The following CFAP36 variants were observed in gnomAD, a reference collection of about 807,000 sequenced individuals.
CFAP36 encodes cilia and flagella associated protein 36.
A neutral mutation model predicts 50.5 loss-of-function variants in CFAP36; 37 were observed. That is an observed-to-expected ratio of 0.73 (90% CI 0.56 to 0.96). CFAP36 has a LOEUF of 0.96. CFAP36 is among the 50% of genes least tolerant of loss of function. CFAP36 has a pLI of 0.00. For synonymous variants in CFAP36, 138 were observed against 128.2 expected, an observed-to-expected ratio of 1.08 and a Z score of -0.52; for missense variants, 407 against 396.2, an observed-to-expected ratio of 1.03 and a Z score of -0.23.
intron 5 of CFAP36, among the ~76,000 whole-genome samples, chr2:55,534,909 G>A (rs1440027293): frequency 2.0e-5 from 3 of 152,136 alleles, no homozygotes; most frequent in Non-Finnish European, 4.4e-5. Context: ...TTATGGAGAG[G>A]GTAGCAGATA....
In CFAP36 at chr2:55,534,376, A is replaced by G. The variant is rs560804287; in HGVS notation, c.485+416A>G. 2.4e-4 allele frequency among the ~76,000 whole-genome samples: 36 copies of G among 152,340 alleles called. 1 individual carries two copies. The highest frequency in any genetic ancestry group is 7.9e-4 in the African/African-American group (33 of 41,578). ...CTGGGCATCCAGATTCCACAGATTG[A>G]ATAGCTGACTTGGTGATAGTAACCT... is the stretch of plus-strand genomic sequence containing the variant. On this transcript the variant is annotated intron_variant, in intron 5 of 9. Coordinates refer to ENST00000349456, the MANE Select transcript of CFAP36 (RefSeq NM_080667.7).
At chr2:55,541,720 T>C (rs895063048) in intron 7 of CFAP36, among the ~76,000 whole-genome samples, 1 of 152,210 alleles carries the variant, frequency 6.6e-6, no homozygotes, top group Non-Finnish European at 1.5e-5. Flanking sequence ...GTGGATTAGG[T>C]AGGACTTCTA....
At chr2:55,524,085 G>C (rs1302735569) in intron 3 of CFAP36, among the ~76,000 whole-genome samples, 15 of 152,162 alleles carry the variant, frequency 9.9e-5, no homozygotes, top group Admixed American at 9.8e-4. Flanking sequence ...ACAAACTACT[G>C]TTTTATTTAC....
chr2:55,523,704 A>T lies in CFAP36; in HGVS notation c.181-17A>T. On this transcript the variant is annotated splice_polypyrimidine_tract_variant and intron_variant, in intron 2 of 9. Transcript: ENST00000349456. The stretch of plus-strand genomic sequence containing the variant: ...ATTTTTCTATGTAATTATAAAAGTT[A>T]AACTTTGTTTTTTTAGGTTGAAAAG... 1 of 1,514,420 alleles carries T rather than the reference A, an allele frequency of 6.6e-7. No individual in the cohort carries two copies. Among genetic ancestry groups the T allele is most frequent in the Non-Finnish European group, 9.1e-7 (1 of 1,101,566 alleles). The allele number at this position is 1,514,420 out of a possible 1,614,324, so 93.8% of individuals were successfully genotyped here.
chr2:55,523,791 C>A lies in CFAP36; in HGVS notation c.251C>A (p.Thr84Asn). 6.2e-7 allele frequency: 1 copy of A among 1,609,532 alleles called. No individual in the cohort carries two copies. The change falls in exon 3 of 10, where the codon ACT (threonine) becomes AAT (asparagine). Residue 84 changes from threonine (T) to asparagine (N), a missense_variant. Transcript: ENST00000349456. Reference sequence around the variant, plus strand: ...GAAGATCAATTTCAAGAAGCATGCACTTCTCCTCTTGCAAAGACCCATACA... The same window carrying A: ...GAAGATCAATTTCAAGAAGCATGCAATTCTCCTCTTGCAAAGACCCATACA... ...INEDQFQEAC[T>N]SPLAKTHTSQ...
At chr2:55,520,687 G>A (rs1574609393) in intron 1 of CFAP36, among the ~76,000 whole-genome samples, 2 of 152,200 alleles carry the variant, frequency 1.3e-5, no homozygotes, top group South Asian at 4.1e-4. Context: ...CAGAAACCAC[G>A]TCATATAAAT....
Position 55,519,863 on chromosome 2 carries a change from G to C in CFAP36, c.62G>C (p.Arg21Pro), listed in dbSNP as rs746668375. The change falls in exon 1 of 10, where the codon CGA (arginine) becomes CCA (proline). Residue 21 changes from arginine to proline, a missense_variant. By Grantham distance (103) the Arg-to-Pro change is moderately radical (BLOSUM62 -2). Transcript: ENST00000349456. Reference protein sequence around the residue: ...WVVESIAGFLRGPDWSIPILD... With the variant: ...WVVESIAGFLPGPDWSIPILD... ...GTGGAGAGCATCGCGGGGTTCCTGC[G>C]AGGCCCAGACTGGTCCATCCCCATC... 6.2e-6 allele frequency: 10 copies of C among 1,614,116 alleles called. No homozygotes were observed. The African/African-American group carries it at 1.1e-4, about 17-fold the overall frequency.
chr2:55,523,649 A>G, intron 2 of CFAP36, 72 bp from the exon 3 acceptor site: 1 of 950,062 alleles, frequency 1.1e-6, no homozygotes, highest in South Asian at 1.9e-5. Context: ...TTTCTAAACT[A>G]AATACTTAAT....
At position 55,526,696 on chromosome 2, in the gene CFAP36, C is replaced by T. The variant is rs1035804776; in HGVS notation, c.283-2182C>T. The stretch of plus-strand genomic sequence containing the variant: ...GGCATCAAGCAATCCTCCTGCCTCA[C>T]CCTCCCAAAGCTCTGGGGTTACAGG... On this transcript the variant is annotated intron_variant, in intron 3 of 9. Coordinates refer to ENST00000349456, the MANE Select transcript of CFAP36 (RefSeq NM_080667.7). 8.5e-5 allele frequency among the ~76,000 whole-genome samples: 13 copies of T among 152,182 alleles called. No individual in the cohort carries two copies. The East Asian group carries it at 2.0e-3, about 23-fold the overall frequency.
intron 7 of CFAP36, chr2:55,538,805 CTCT>C (rs879509117): frequency 2.1e-5 from 33 of 1,544,834 alleles, no homozygotes; most frequent in Admixed American, 4.0e-5. Context: ...GATCACCGAA[CTCT>C]TCAATGGTGA....
intron 5 of CFAP36, among the ~76,000 whole-genome samples, chr2:55,535,139 T>A (rs1684448647): frequency 6.6e-6 from 1 of 152,152 alleles, no homozygotes; most frequent in Non-Finnish European, 1.5e-5. Flanking sequence ...TTCCAAGAGC[T>A]TTTGAGGGGA....
At chr2:55,530,274 TC>T (rs1684320667) in intron 4 of CFAP36, among the ~76,000 whole-genome samples, 1 of 152,174 alleles carries the variant, frequency 6.6e-6, no homozygotes, top group South Asian at 2.1e-4. Context: ...CTGTTTGTCT[TC>T]CGCCATGATT....
chr2:55,528,407 T>A (rs1684265341), intron 3 of CFAP36, among the ~76,000 whole-genome samples: 1 of 151,988 alleles, frequency 6.6e-6, no homozygotes, highest in African/African-American at 2.4e-5. Flanking sequence ...AAATTTTTTT[T>A]TTTTTGAGAC....
intron 6 of CFAP36, 45 bp downstream of exon 6, chr2:55,535,808 CTT>C: frequency 6.5e-7 from 1 of 1,530,784 alleles, no homozygotes; most frequent in Admixed American, 2.4e-5. Flanking sequence ...GCTGTTATCT[CTT>C]ATTAAGTTTA....
At chr2:55,522,241 A>G (rs1684088727) in intron 2 of CFAP36, 75 bp downstream of exon 2, 2 of 741,846 alleles carry the variant, frequency 2.7e-6, no homozygotes, top group Admixed American at 6.3e-5. Context: ...ATGAAGAAAA[A>G]TATTTTTACA....
At chr2:55,521,408 A>G (rs1031477414) in intron 1 of CFAP36, among the ~76,000 whole-genome samples, 7 of 152,122 alleles carry the variant, frequency 4.6e-5, no homozygotes, top group African/African-American at 1.7e-4. Flanking sequence ...AAATTCCAGT[A>G]CAATAAAATA....
intron 4 of CFAP36, 59 bp from the exon 5 acceptor site, chr2:55,533,814 A>AG: frequency 9.9e-7 from 1 of 1,007,420 alleles, no homozygotes; most frequent in Non-Finnish European, 1.5e-6. Flanking sequence ...GAGAACAGTG[A>AG]GAAATATATG....
chr2:55,520,572 TCC>T (rs1170009060), intron 1 of CFAP36: 3 of 943,526 alleles, frequency 3.2e-6, no homozygotes, highest in Non-Finnish European at 4.5e-6. Context: ...GGCATAATAT[TCC>T]CCGTGAAGGA....
At chr2:55,540,294 T>A (rs1684599763) in intron 7 of CFAP36, among the ~76,000 whole-genome samples, 1 of 152,228 alleles carries the variant, frequency 6.6e-6, no homozygotes, top group African/African-American at 2.4e-5. Flanking sequence ...CTATTTTGAA[T>A]TATTTTTTGT....
Sources: allele counts gnomAD v4.1 joint callset (sites outside exome capture counted in the v4.1 genomes callset), GRCh38; gene constraint gnomAD v4.1.1; transcripts MANE v1.5; gene names NCBI Gene and HGNC (gene_info 2026-07-23, HGNC 2026-07-21).